Variants in RBFOX1 observed in about 807,000 individuals in gnomAD.
RBFOX1 encodes RNA binding fox-1 homolog 1.
Under a neutral mutation model 57.7 loss-of-function variants are expected in RBFOX1, and 8 were observed. The observed-to-expected ratio is 0.14, with a 90% CI of 0.08 to 0.25. The LOEUF is 0.25. RBFOX1 is among the 10% of genes least tolerant of loss of function. The pLI is 1.00. For missense variants in RBFOX1, 611 were observed against 548.5 expected (o/e 1.11, Z -1.14); for synonymous variants, 326 against 222.4 (o/e 1.47, Z -4.15).
intron 5 of RBFOX1, among the ~76,000 whole-genome samples, chr16:7,551,919 T>C (rs942382080): frequency 6.6e-6 from 1 of 152,106 alleles, no homozygotes; most frequent in African/African-American, 2.4e-5. Context: ...GAACAGCCCA[T>C]CATTTATGTG....
At chr16:5,347,792 G>T (rs149329987) in intron 1 of RBFOX1, among the ~76,000 whole-genome samples, 1 of 88,854 alleles carries the variant, frequency 1.1e-5, no homozygotes, top group South Asian at 4.1e-4. Flanking sequence ...TGGTCTATCC[G>T]CCCACCCTTC....
chr16:6,454,927 A>G (rs1597476202), intron 2 of RBFOX1, among the ~76,000 whole-genome samples: 1 of 137,214 alleles, frequency 7.3e-6, no homozygotes, highest in Non-Finnish European at 1.5e-5. Flanking sequence ...CCTGTCACCC[A>G]GGCTGGAGTA....
At chr16:5,575,668 T>G (rs148667756) in intron 2 of RBFOX1, among the ~76,000 whole-genome samples, 2 of 152,308 alleles carry the variant, frequency 1.3e-5, no homozygotes, top group East Asian at 3.9e-4. Context: ...CTACATTGTG[T>G]GGAGTGTGGA....
At chr16:7,587,003 G>T (rs2094162626) in intron 6 of RBFOX1, among the ~76,000 whole-genome samples, 1 of 152,158 alleles carries the variant, frequency 6.6e-6, no homozygotes, top group Non-Finnish European at 1.5e-5. Context: ...AGGAAAAAAA[G>T]AAAAATAGAA....
rs916126377 is a variant in RBFOX1 at position 7,535,195 on chromosome 16, A to G, written c.270+16806A>G. On this transcript the variant is annotated intron_variant, in intron 5 of 15. Coordinates refer to ENST00000550418, the MANE Select transcript of RBFOX1 (RefSeq NM_018723.4). Reference sequence around the variant, plus strand: ...ATACAATAATAATGCACACACCGTAATGTATTGGATTACTTTGCAAACAGC... The same window carrying G: ...ATACAATAATAATGCACACACCGTAGTGTATTGGATTACTTTGCAAACAGC... Among the ~76,000 whole-genome samples the G allele has an allele frequency of 6.6e-5, 10 of 152,188 alleles. No individual in the cohort carries two copies. In the South Asian group the frequency reaches 1.7e-3, roughly 25 times the overall value.
upstream of RBFOX1, among the ~76,000 whole-genome samples, chr16:6,014,150 C>G (rs568878410): frequency 6.6e-6 from 1 of 152,114 alleles, no homozygotes; most frequent in African/African-American, 2.4e-5. Context: ...CATAATGGTA[C>G]TTACACTGTG....
At chr16:7,303,631 A>T (rs1179304684) in intron 4 of RBFOX1, among the ~76,000 whole-genome samples, 7 of 152,176 alleles carry the variant, frequency 4.6e-5, no homozygotes, top group African/African-American at 1.4e-4. Context: ...AAGGAAAAAA[A>T]ATCTTTCCCC....
At chr16:7,295,479 A>G (rs1187374562) in intron 4 of RBFOX1, among the ~76,000 whole-genome samples, 1 of 152,148 alleles carries the variant, frequency 6.6e-6, no homozygotes, top group Admixed American at 6.5e-5. Flanking sequence ...TTTATGACTT[A>G]TATATATTAC....
chr16:7,440,515 C>A (rs924700575), intron 4 of RBFOX1, among the ~76,000 whole-genome samples: 1 of 152,176 alleles, frequency 6.6e-6, no homozygotes, highest in African/African-American at 2.4e-5. Flanking sequence ...CAGCATTAGG[C>A]GGCATTTGAG....
At chr16:6,837,369 G>T (rs2093175009) in intron 3 of RBFOX1, among the ~76,000 whole-genome samples, 1 of 152,126 alleles carries the variant, frequency 6.6e-6, no homozygotes. Context: ...AGAGTTCTTG[G>T]GTTCTCCGCA....
intron 4 of RBFOX1, among the ~76,000 whole-genome samples, chr16:6,003,387 G>A (rs972131523): frequency 6.6e-6 from 1 of 151,788 alleles, no homozygotes; most frequent in Non-Finnish European, 1.5e-5. Context: ...TTGCCTGAAG[G>A]TAGCTCTTCC....
intron 4 of RBFOX1, among the ~76,000 whole-genome samples, chr16:7,440,238 G>T (rs1477242861): frequency 6.6e-6 from 1 of 152,100 alleles, no homozygotes; most frequent in African/African-American, 2.4e-5. Flanking sequence ...ACTGTGGCCT[G>T]CTGGTCTTCC....
chr16:5,272,218 C>A (rs936188141), intron 1 of RBFOX1, among the ~76,000 whole-genome samples: 1 of 152,170 alleles, frequency 6.6e-6, no homozygotes, highest in African/African-American at 2.4e-5. Flanking sequence ...GGGTACATTT[C>A]AAATGTCTCA....
chr16:6,577,969 C>G (rs2097467546), intron 2 of RBFOX1, among the ~76,000 whole-genome samples: 1 of 152,116 alleles, frequency 6.6e-6, no homozygotes, highest in Admixed American at 6.5e-5. Context: ...ACAAGGTTAC[C>G]CAGTTAGGAA....
At chr16:6,948,301 C>T (rs903813011) in intron 3 of RBFOX1, among the ~76,000 whole-genome samples, 1 of 144,078 alleles carries the variant, frequency 6.9e-6, no homozygotes, top group Non-Finnish European at 1.5e-5. Context: ...TAATTTAAAA[C>T]AAACAAAATA....
intron 4 of RBFOX1, among the ~76,000 whole-genome samples, chr16:7,252,170 C>T (rs773378339): frequency 1.3e-5 from 2 of 152,200 alleles, no homozygotes; most frequent in Non-Finnish European, 2.9e-5. Flanking sequence ...CTATTTCTTA[C>T]ATCATCAAAA....
At chr16:5,251,588 A>G (rs2062454683) in intron 1 of RBFOX1, among the ~76,000 whole-genome samples, 1 of 152,178 alleles carries the variant, frequency 6.6e-6, no homozygotes, top group African/African-American at 2.4e-5. Context: ...ATAACATACT[A>G]TCTAATTACT....
In RBFOX1 at chr16:5,946,601, G is replaced by A. The variant is rs529677920; in HGVS notation, c.351+79266G>A. 5.9e-5 allele frequency among the ~76,000 whole-genome samples: 9 copies of A among 152,210 alleles called. No individual in the cohort carries two copies. The highest frequency in any genetic ancestry group is 8.8e-5 in the Non-Finnish European group (6 of 68,020). On this transcript the variant is annotated intron_variant, in intron 4 of 19. Coordinates refer to the RBFOX1 transcript ENST00000641259. This position sits in a 1 kb window ranked among gnomAD's most constrained non-coding sequence, Gnocchi z 4.6. ...TGAGTTATATCCTTTACGATATACC[G>A]GTAATAGTAATTTCCTAAATTCTGT... is the stretch of plus-strand genomic sequence containing the variant.
Position 7,355,264 on chromosome 16 carries a change from G to T in RBFOX1, c.28-162883G>T, listed in dbSNP as rs541901089. Among the ~76,000 whole-genome samples the T allele has an allele frequency of 2.6e-5, 4 of 152,280 alleles. No homozygotes were observed. In the South Asian group the frequency reaches 8.3e-4, roughly 32 times the overall value. On this transcript the variant is annotated intron_variant, in intron 4 of 15. Coordinates refer to ENST00000550418, the MANE Select transcript of RBFOX1 (RefSeq NM_018723.4). ...TCCACAAATCCCATCCCAGGCCTCAGCCAGCAACTCAGAGTCCCTCTGTCA... is the reference window on the plus strand; with the variant it reads ...TCCACAAATCCCATCCCAGGCCTCATCCAGCAACTCAGAGTCCCTCTGTCA...
Sources: gnomAD v4.1 joint callset for allele counts (sites outside exome capture counted in the v4.1 genomes callset) on GRCh38, gnomAD v4.1.1 for gene constraint, Gnocchi (gnomAD v3.1) non-coding constraint, MANE v1.5 for transcripts, NCBI Gene and HGNC (gene_info 2026-07-23, HGNC 2026-07-21) for gene names.